Variants in RBFOX1 observed in about 807,000 individuals in gnomAD.
The protein encoded by RBFOX1 is RNA binding protein fox-1 homolog 1.
Under a neutral mutation model 57.7 loss-of-function variants are expected in RBFOX1, and 8 were observed. That is an observed-to-expected ratio of 0.14 (90% confidence interval 0.08 to 0.25). The LOEUF (loss-of-function observed/expected upper bound fraction) is 0.25, where lower values mean the gene tolerates loss of function less well. RBFOX1 is among the 10% of genes least tolerant of loss of function. The pLI, the probability that RBFOX1 is intolerant of heterozygous loss-of-function variation, is 1.00. For missense variants in RBFOX1, 611 were observed against 548.5 expected, an observed-to-expected ratio of 1.11 and a Z score of -1.14; for synonymous variants, 326 against 222.4, an observed-to-expected ratio of 1.47 and a Z score of -4.15.
In RBFOX1 at chr16:6,992,900, G is replaced by T. The variant is rs80037080; in HGVS notation, c.-15-59157G>T. The stretch of plus-strand genomic sequence containing the variant: ...ATTCAGTGCCCACCGCCCAAGCACG[G>T]TGTCATTCACAAGGAATTATAATGG... On this transcript the variant is annotated intron_variant, in intron 3 of 15. Coordinates refer to ENST00000550418, the MANE Select transcript of RBFOX1 (RefSeq NM_018723.4). Among the ~76,000 whole-genome samples the T allele has an allele frequency of 2.7e-3, 413 of 151,504 alleles. 5 individuals are homozygous for T. In the East Asian group the frequency reaches 0.03, roughly 11 times the overall value.
At chr16:6,749,995 T>A (rs2074602320) in intron 3 of RBFOX1, among the ~76,000 whole-genome samples, 1 of 152,160 alleles carries the variant, frequency 6.6e-6, no homozygotes, top group Admixed American at 6.6e-5. Flanking sequence ...GTTTTATGAA[T>A]TTTTCTGTCT....
intron 4 of RBFOX1, among the ~76,000 whole-genome samples, chr16:7,331,556 T>G (rs571063533): frequency 2.0e-5 from 3 of 152,320 alleles, no homozygotes; most frequent in African/African-American, 7.2e-5. Context: ...AAGATGTGTC[T>G]GTACCAATCA....
chr16:6,908,634 A>G (rs2070727580), intron 3 of RBFOX1, among the ~76,000 whole-genome samples: 1 of 152,140 alleles, frequency 6.6e-6, no homozygotes, highest in Non-Finnish European at 1.5e-5. Flanking sequence ...AATGAATCCT[A>G]TCCTATTTCT....
chr16:6,474,726 C>T (rs971020000), intron 2 of RBFOX1, among the ~76,000 whole-genome samples: 6 of 152,138 alleles, frequency 3.9e-5, no homozygotes, highest in African/African-American at 7.2e-5. Context: ...GATGAGTTCC[C>T]TTTCATACTG....
intron 1 of RBFOX1, among the ~76,000 whole-genome samples, chr16:5,378,806 A>G (rs1327915413): frequency 6.6e-6 from 1 of 151,644 alleles, no homozygotes; most frequent in East Asian, 1.9e-4. Flanking sequence ...TGATTAGCAT[A>G]GTGCTGGGCA....
intron 3 of RBFOX1, among the ~76,000 whole-genome samples, chr16:5,778,826 G>C (rs1363889594): frequency 6.6e-6 from 1 of 152,096 alleles, no homozygotes; most frequent in Admixed American, 6.5e-5. Flanking sequence ...CGTCCTCTTG[G>C]TGCCTCGGTT....
intron 2 of RBFOX1, among the ~76,000 whole-genome samples, chr16:6,345,452 A>C (rs2085231133): frequency 6.6e-6 from 1 of 152,164 alleles, no homozygotes; most frequent in Non-Finnish European, 1.5e-5. Flanking sequence ...TGGTAAACCG[A>C]CATGGCAGGC....
intron 4 of RBFOX1, among the ~76,000 whole-genome samples, chr16:7,359,146 C>T (rs2097272337): frequency 6.6e-6 from 1 of 152,196 alleles, no homozygotes; most frequent in African/African-American, 2.4e-5. Flanking sequence ...AATTCCTAGC[C>T]ATCCGTGCAA....
At chr16:7,016,489 G>A (rs1041214376) in intron 3 of RBFOX1, among the ~76,000 whole-genome samples, 6 of 152,096 alleles carry the variant, frequency 3.9e-5, no homozygotes, top group Non-Finnish European at 8.8e-5. Flanking sequence ...CTGAACTGCC[G>A]TGATAACAGA....
At position 5,972,242 on chromosome 16, in the gene RBFOX1, A is replaced by G. The variant is rs377105238; in HGVS notation, c.351+104907A>G. 7.0e-4 allele frequency among the ~76,000 whole-genome samples: 107 copies of G among 152,118 alleles called. 1 individual carries two copies. The highest frequency in any genetic ancestry group is 2.4e-3 in the African/African-American group (101 of 41,516). On this transcript the variant is annotated intron_variant, in intron 4 of 19. Transcript: ENST00000641259. Reference sequence around the variant, plus strand: ...CCTCCCTCCCTCCCTATCTGTTCTGATCCTCTGGAGAACCCTGACTAATAC... The same window carrying G: ...CCTCCCTCCCTCCCTATCTGTTCTGGTCCTCTGGAGAACCCTGACTAATAC...
intron 3 of RBFOX1, among the ~76,000 whole-genome samples, chr16:5,820,283 C>T (rs969427219): frequency 6.6e-6 from 1 of 152,172 alleles, no homozygotes; most frequent in Non-Finnish European, 1.5e-5. Context: ...AGTTCTTTGT[C>T]TTCGGCACAT....
intron 4 of RBFOX1, among the ~76,000 whole-genome samples, chr16:5,919,895 C>G (rs1305067064): frequency 6.6e-6 from 1 of 152,030 alleles, no homozygotes; most frequent in Non-Finnish European, 1.5e-5. Flanking sequence ...TTTTTTTTCA[C>G]TGAGCATAAT....
intron 3 of RBFOX1, among the ~76,000 whole-genome samples, chr16:6,788,031 AG>A (rs2082257502): frequency 6.6e-6 from 1 of 152,058 alleles, no homozygotes; most frequent in African/African-American, 2.4e-5. Context: ...GAGACCAGCC[AG>A]ACCAACATGG....
intron 3 of RBFOX1, among the ~76,000 whole-genome samples, chr16:7,029,113 C>CGTATATATATATGTGTATATATGTATAT (rs2041994774): frequency 1.1e-5 from 1 of 93,028 alleles, no homozygotes; most frequent in Non-Finnish European, 2.0e-5. Flanking sequence ...CACACACACA[C>CGTATATATATATGTGTATATATGTATAT]ACACACACAT....
chr16:7,470,043 T>C (rs2061284588), intron 4 of RBFOX1, among the ~76,000 whole-genome samples: 2 of 151,650 alleles, frequency 1.3e-5, no homozygotes, highest in African/African-American at 4.9e-5. Context: ...ACTTTTAACA[T>C]TGCATAATAT....
chr16:5,757,190 A>C (rs1157472191), intron 3 of RBFOX1, among the ~76,000 whole-genome samples: 1 of 151,498 alleles, frequency 6.6e-6, no homozygotes, highest in African/African-American at 2.4e-5. Context: ...AAAGAGCATG[A>C]AGAGCGTGGC....
chr16:7,174,735 G>A (rs894180228), intron 4 of RBFOX1, among the ~76,000 whole-genome samples: 11 of 152,180 alleles, frequency 7.2e-5, no homozygotes, highest in Non-Finnish European at 1.0e-4. Context: ...AGCCAAGATT[G>A]CGCCATTGCA....
intron 3 of RBFOX1, among the ~76,000 whole-genome samples, chr16:6,867,856 G>A (rs1239744550): frequency 6.6e-6 from 1 of 152,124 alleles, no homozygotes; most frequent in East Asian, 1.9e-4. Flanking sequence ...CTGCTGACAG[G>A]TGTCCCAGTT....
At chr16:5,658,138 A>G (rs1278558393) in intron 3 of RBFOX1, among the ~76,000 whole-genome samples, 3 of 152,196 alleles carry the variant, frequency 2.0e-5, no homozygotes, top group African/African-American at 4.8e-5. Context: ...AAGCAATGCC[A>G]GGATTGATCC....
Sources: gnomAD v4.1 joint callset for allele counts (sites outside exome capture counted in the v4.1 genomes callset) on GRCh38, gnomAD v4.1.1 for gene constraint, MANE v1.5 for transcripts, NCBI Gene and HGNC (gene_info 2026-07-23, HGNC 2026-07-21) for gene names.